CENPW: variants seen among roughly 807,000 people sequenced by gnomAD.
CENPW encodes centromere protein W, also known as cancer-up-regulated gene 2 protein.
In CENPW, 3 loss-of-function variants were observed where a neutral mutation model predicts 11.1. The observed-to-expected ratio is 0.27, with a 90% confidence interval of 0.12 to 0.70. The LOEUF is 0.70. CENPW is among the 30% of genes least tolerant of loss of function. The pLI is 0.77. For missense variants in CENPW, 100 were observed against 105.6 expected (o/e 0.95, Z 0.23); for synonymous variants, 38 against 42.0 (o/e 0.91, Z 0.37).
the CENPW span, among the ~76,000 whole-genome samples, chr6:126,376,847 T>C: frequency 1.3e-5 from 2 of 152,168 alleles, no homozygotes; most frequent in African/African-American, 4.8e-5. Flanking sequence ...CAGAGGTGTC[T>C]TGTGCTGATG....
At chr6:126,407,982 GTT>G in the CENPW span, among the ~76,000 whole-genome samples, 1 of 152,040 alleles carries the variant, frequency 6.6e-6, no homozygotes, top group African/African-American at 2.4e-5. Context: ...TGCTTTTGGT[GTT>G]TTCGTCATGA....
chr6:126,418,457 A>G, the CENPW span, among the ~76,000 whole-genome samples: 4 of 152,190 alleles, frequency 2.6e-5, no homozygotes, highest in Non-Finnish European at 4.4e-5. Flanking sequence ...AACTACGAAG[A>G]CAATAATAAG....
the CENPW span, among the ~76,000 whole-genome samples, chr6:126,472,361 T>C: frequency 4.6e-5 from 7 of 152,230 alleles, no homozygotes; most frequent in Admixed American, 1.3e-4. Context: ...CTTCTGTCAC[T>C]GTAGATGAAA....
At chr6:126,362,071 G>C in the CENPW span, among the ~76,000 whole-genome samples, 1 of 152,138 alleles carries the variant, frequency 6.6e-6, no homozygotes, top group Admixed American at 6.5e-5. Flanking sequence ...CTATGGAGTG[G>C]GTCGACAGGG....
chr6:126,442,143 C>G, the CENPW span, among the ~76,000 whole-genome samples: 3 of 151,476 alleles, frequency 2.0e-5, no homozygotes, highest in Non-Finnish European at 4.4e-5. Flanking sequence ...GTTATGGCCA[C>G]TCTTGCAGGA....
chr6:126,425,157 T>A, the CENPW span, among the ~76,000 whole-genome samples: 1 of 152,174 alleles, frequency 6.6e-6, no homozygotes, highest in Non-Finnish European at 1.5e-5. Context: ...CCTGGAGTCT[T>A]TCACAGAGGA....
At chr6:126,404,813 A>G in the CENPW span, among the ~76,000 whole-genome samples, 11 of 147,368 alleles carry the variant, frequency 7.5e-5, no homozygotes, top group Non-Finnish European at 1.5e-4. Context: ...TGAGAGCTGT[A>G]TATTCAGCTC....
chr6:126,446,489 G>A, the CENPW span, among the ~76,000 whole-genome samples: 7 of 151,044 alleles, frequency 4.6e-5, no homozygotes, highest in South Asian at 1.0e-3. Flanking sequence ...TCACTTTCAA[G>A]TTGAAACAAA....
chr6:126,473,720 A>ATC, the CENPW span, among the ~76,000 whole-genome samples: 1,079 of 142,624 alleles, frequency 7.6e-3, 10 homozygotes, highest in Middle Eastern at 0.011. Flanking sequence ...ACGAGAGTGA[A>ATC]TCTCTCTCTC....
chr6:126,342,918 G>T (rs529910207), intron 1 of CENPW, among the ~76,000 whole-genome samples: 1 of 152,008 alleles, frequency 6.6e-6, no homozygotes, highest in African/African-American at 2.4e-5. Flanking sequence ...TTCTTCACTG[G>T]CTTTTTGTTA....
At chr6:126,475,434 G>T in the CENPW span, among the ~76,000 whole-genome samples, 1 of 151,894 alleles carries the variant, frequency 6.6e-6, no homozygotes, top group Non-Finnish European at 1.5e-5. Context: ...ATAAAAAATT[G>T]TAAAAATGAA....
chr6:126,359,522 G>A, the CENPW span, among the ~76,000 whole-genome samples: 7 of 152,148 alleles, frequency 4.6e-5, no homozygotes, highest in East Asian at 1.9e-4. Flanking sequence ...TCAGTGAGGT[G>A]TTGAAGTCTC....
chr6:126,446,352 C>A, the CENPW span, among the ~76,000 whole-genome samples: 1 of 147,574 alleles, frequency 6.8e-6, no homozygotes, highest in Non-Finnish European at 1.5e-5. Context: ...ATGACCCCCT[C>A]CCTGGCCCCC....
At chr6:126,378,291 T>C in the CENPW span, among the ~76,000 whole-genome samples, 1 of 152,030 alleles carries the variant, frequency 6.6e-6, no homozygotes, top group Non-Finnish European at 1.5e-5. Context: ...ATTTAGTGCT[T>C]TTCTGCTGAA....
rs996741500 is a variant in CENPW, at chr6:126,340,208, C to G, written c.-66C>G. On this transcript the variant is annotated 5_prime_UTR_variant, in exon 1 of 3. Coordinates refer to ENST00000368328, the MANE Select transcript of CENPW (RefSeq NM_001012507.4). ...GGATTGTTTTCGCTGGCCCAGTGTCCCCGGAGCTTGTGTGCGATACAGAGA... is the reference window on the plus strand; with the variant it reads ...GGATTGTTTTCGCTGGCCCAGTGTCGCCGGAGCTTGTGTGCGATACAGAGA... 5 of 1,496,696 alleles carry G rather than the reference C, an allele frequency of 3.3e-6. No homozygotes were observed. The African/African-American group carries it at 4.1e-5, about 12-fold the overall frequency. 92.7% of individuals were successfully genotyped at this position (1,496,696 alleles called of 1,614,324 possible). A position where few individuals can be genotyped will look rare whatever the true frequency, so the allele number is the denominator to read the frequency against.
At chr6:126,352,845 T>C (rs1206518417), downstream of CENPW, among the ~76,000 whole-genome samples, 1 of 152,092 alleles carries the variant, frequency 6.6e-6, no homozygotes, top group East Asian at 1.9e-4. Flanking sequence ...ACCTTTTTCT[T>C]TCTGCTTTTA....
At chr6:126,360,047 TTTG>T in the CENPW span, among the ~76,000 whole-genome samples, 2 of 152,142 alleles carry the variant, frequency 1.3e-5, no homozygotes, top group Non-Finnish European at 2.9e-5. Context: ...TAAGTTTGAT[TTTG>T]TGGTAGCAAA....
At chr6:126,394,716 G>A in the CENPW span, among the ~76,000 whole-genome samples, 1 of 152,026 alleles carries the variant, frequency 6.6e-6, no homozygotes, top group African/African-American at 2.4e-5. Flanking sequence ...TGTCAGACAA[G>A]TCTGGTGTTG....
chr6:126,384,599 T>G, the CENPW span, among the ~76,000 whole-genome samples: 4 of 152,108 alleles, frequency 2.6e-5, no homozygotes, highest in Admixed American at 6.6e-5. Flanking sequence ...CTGGACCCCT[T>G]TGTTACACTA....
Sources: gnomAD v4.1 joint callset for allele counts (sites outside exome capture counted in the v4.1 genomes callset) on GRCh38, gnomAD v4.1.1 for gene constraint, MANE v1.5 for transcripts, NCBI Gene and HGNC (gene_info 2026-07-23, HGNC 2026-07-21) for gene names.